Variants in TUBD1 observed in about 807,000 individuals in gnomAD.
TUBD1 encodes tubulin delta 1.
In TUBD1, 38 loss-of-function variants were observed where a neutral mutation model predicts 51.2. That is an observed-to-expected ratio of 0.74 (90% CI 0.57 to 0.97). The LOEUF (loss-of-function observed/expected upper bound fraction) is 0.97, where lower values mean the gene tolerates loss of function less well. TUBD1 is among the 50% of genes least tolerant of loss of function. The probability of loss-of-function intolerance (pLI) is 0.00; values close to 1 mark genes in which losing one functional copy is unlikely to be tolerated. For synonymous variants in TUBD1, 169 were observed against 178.2 expected (o/e 0.95, Z 0.41); for missense variants, 489 against 538.4 (o/e 0.91, Z 0.91).
At chr17:59,870,637 A>T (rs1208400205) in intron 6 of TUBD1, among the ~76,000 whole-genome samples, 1 of 152,174 alleles carries the variant, frequency 6.6e-6, no homozygotes, top group Non-Finnish European at 1.5e-5. Context: ...AAAGTGTAAC[A>T]GTCCATGTCT....
At chr17:59,862,513 C>A (rs2039498915) in intron 8 of TUBD1, among the ~76,000 whole-genome samples, 1 of 151,754 alleles carries the variant, frequency 6.6e-6, no homozygotes, top group Non-Finnish European at 1.5e-5. Flanking sequence ...ATCTTCCACT[C>A]TCCCAAGAAT....
Position 59,859,656 on chromosome 17 carries a change from A to C in TUBD1, c.*666T>G, listed in dbSNP as rs2039343340. 1 of 152,660 alleles carries C rather than the reference A, an allele frequency of 6.6e-6. No individual in the cohort carries two copies. Among genetic ancestry groups the C allele is most frequent in the Non-Finnish European group, 1.5e-5 (1 of 68,056 alleles). The allele number at this position is 152,660 out of a possible 1,614,324, so 9.5% of individuals were successfully genotyped here. ...AAGCATTCATTTCAAACATGAATAT[A>C]TTAAGTACAGAATTACAATTCCTTA... On this transcript the variant is annotated 3_prime_UTR_variant, in exon 9 of 9. Coordinates refer to ENST00000325752, the MANE Select transcript of TUBD1 (RefSeq NM_016261.4).
chr17:59,876,263 C>T (rs1008939834), intron 5 of TUBD1, among the ~76,000 whole-genome samples: 36 of 151,690 alleles, frequency 2.4e-4, no homozygotes, highest in African/African-American at 8.2e-4. Context: ...TCTGCAACCT[C>T]GAACTCCCAG....
rs747948193 is a variant in TUBD1 at position 59,886,163 on chromosome 17, A to G, written c.240T>C (p.Ala80=). Residue 80 remains alanine, a synonymous_variant, in exon 3 of 9, where the codon GCT becomes GCC. Coordinates refer to ENST00000325752, the MANE Select transcript of TUBD1 (RefSeq NM_016261.4). ...CATATTTCCATTGGCCAGACTGGGCAGCCTTTGACAGCATTTGATTGATAA... is the reference window on the plus strand; with the variant it reads ...CATATTTCCATTGGCCAGACTGGGCGGCCTTTGACAGCATTTGATTGATAA... ...PKVINQMLSK[A]AQSGQWKYGQ... 1 of 1,613,978 alleles carries G rather than the reference A, an allele frequency of 6.2e-7. No homozygotes were observed. The highest frequency in any genetic ancestry group is 1.1e-5 in the South Asian group (1 of 91,080).
At chr17:59,881,428 T>C (rs1387058781) in intron 3 of TUBD1, among the ~76,000 whole-genome samples, 1 of 152,182 alleles carries the variant, frequency 6.6e-6, no homozygotes, top group Non-Finnish European at 1.5e-5. Context: ...CTGGCATAAA[T>C]GGGTTAACAG....
intron 8 of TUBD1, among the ~76,000 whole-genome samples, chr17:59,860,722 G>C (rs1210280397): frequency 1.3e-5 from 2 of 151,846 alleles, no homozygotes; most frequent in Non-Finnish European, 2.9e-5. Flanking sequence ...GAGTAGCTGG[G>C]ATTACAGGAA....
At chr17:59,875,290 T>C (rs1181512045) in intron 5 of TUBD1, among the ~76,000 whole-genome samples, 1 of 151,490 alleles carries the variant, frequency 6.6e-6, no homozygotes, top group Non-Finnish European at 1.5e-5. Context: ...GTGGCCAGGA[T>C]GGTCTCGATC....
At chr17:59,874,013 C>G (rs2040114431) in intron 6 of TUBD1, among the ~76,000 whole-genome samples, 1 of 151,850 alleles carries the variant, frequency 6.6e-6, no homozygotes, top group African/African-American at 2.4e-5. Context: ...CACGGTGAAA[C>G]CCCGTCTCTA....
chr17:59,860,465 AAT>A, intron 8 of TUBD1, 41 bp from the exon 9 acceptor site: 1 of 1,325,658 alleles, frequency 7.5e-7, no homozygotes, highest in Non-Finnish European at 1.1e-6. Flanking sequence ...CAAAATAAAA[AAT>A]GTCTGGCAAA....
chr17:59,879,624 A>C (rs1386914952), intron 4 of TUBD1, among the ~76,000 whole-genome samples: 1 of 151,734 alleles, frequency 6.6e-6, no homozygotes, highest in Non-Finnish European at 1.5e-5. Context: ...TTAGTAGAGA[A>C]GGGGTTTCGC....
chr17:59,875,676 C>T (rs1238578678), intron 5 of TUBD1, among the ~76,000 whole-genome samples: 2 of 151,344 alleles, frequency 1.3e-5, no homozygotes, highest in African/African-American at 2.4e-5. Flanking sequence ...GGGAGAATCG[C>T]TTGAACCCGG....
rs547253682 is a variant in TUBD1, at chr17:59,878,334, C to T, written c.538G>A (p.Val180Ile). Residue 180 changes from valine to isoleucine, a missense_variant and splice_region_variant, in exon 5 of 9, where the codon GTT (valine) becomes ATT (isoleucine). Val to Ile is a conservative substitution (Grantham distance 29). Transcript: ENST00000325752. ...ATGGAGTTGTAGTTTTGAACAATAA[C>T]CTGGAGAGGAAAAGGTCAGAAAAAA... is the stretch of plus-strand genomic sequence containing the variant. The part of the protein sequence containing the change: ...QIIWPYGTGE[V>I]IVQNYNSILT... 6.2e-7 allele frequency: 1 copy of T among 1,606,622 alleles called. No individual in the cohort carries two copies. The highest frequency in any genetic ancestry group is 2.2e-5 in the East Asian group (1 of 44,806).
At chr17:59,873,492 TCTC>T (rs1375246453) in intron 6 of TUBD1, among the ~76,000 whole-genome samples, 5 of 152,084 alleles carry the variant, frequency 3.3e-5, no homozygotes, top group African/African-American at 1.2e-4. Context: ...CTCAAGCGCT[TCTC>T]CTGCCTTGGC....
chr17:59,875,325 T>C (rs1406671799), intron 5 of TUBD1, among the ~76,000 whole-genome samples: 1 of 151,686 alleles, frequency 6.6e-6, no homozygotes, highest in African/African-American at 2.4e-5. Context: ...TCTGCCTGCC[T>C]TGGCCTCCCA....
Position 59,878,230 on chromosome 17 carries a change from T to C in TUBD1, c.642A>G (p.Ala214=), listed in dbSNP as rs1598545240. The change falls in exon 5 of 9, where the codon GCA becomes GCG. Residue 214 remains alanine (A), a synonymous_variant. Transcript: ENST00000325752. ...HENDAIHKIC[A]KLMNIKQISF... is the part of the protein sequence containing the mutation. ...AGATCTGCTTGATATTCATCAGTTT[T>C]GCACAGATCTTATGGATGGCATCAT... is the stretch of plus-strand genomic sequence containing the variant. 7 of 1,614,150 alleles carry C rather than the reference T, an allele frequency of 4.3e-6. No individual in the cohort carries two copies. The highest frequency in any genetic ancestry group is 5.9e-6 in the Non-Finnish European group (7 of 1,180,034).
chr17:59,861,625 A>G (rs2039449961), intron 8 of TUBD1, among the ~76,000 whole-genome samples: 1 of 152,062 alleles, frequency 6.6e-6, no homozygotes, highest in African/African-American at 2.4e-5. Flanking sequence ...TGACACCAGA[A>G]GAGGACAGAC....
Position 59,875,081 on chromosome 17 carries a change from T to A in TUBD1, c.770-378A>T, listed in dbSNP as rs1379443053. On this transcript the variant is annotated intron_variant, in intron 5 of 8. Transcript: ENST00000325752. ...CTAAATATTGTTATATTCTTTTTTT[T>A]TTTTTTTTTTTTTGGGATGGAGTCT... 2.8e-5 allele frequency among the ~76,000 whole-genome samples: 4 copies of A among 145,392 alleles called. No individual in the cohort carries two copies. In the East Asian group the frequency reaches 5.9e-4, roughly 22 times the overall value.
rs773521686 is a variant in TUBD1 at position 59,863,879 on chromosome 17, A to G, written c.1076-32T>C. ...TAAAAACAAGATAAGCCGTCTTTTTATAGCATAAATTAGTAATTGTGAAAA... is the reference window on the plus strand; with the variant it reads ...TAAAAACAAGATAAGCCGTCTTTTTGTAGCATAAATTAGTAATTGTGAAAA... On this transcript the variant is annotated intron_variant, in intron 7 of 8. Transcript: ENST00000325752. 6 of 1,409,116 alleles carry G rather than the reference A, an allele frequency of 4.3e-6. No individual in the cohort carries two copies. The Admixed American group carries it at 1.1e-4, about 26-fold the overall frequency. The allele number at this position is 1,409,116 out of a possible 1,614,324, so 87.3% of individuals were successfully genotyped here.
At chr17:59,890,016 ATGGTGGCATGCACCTG>A (rs1312981625) in intron 2 of TUBD1, among the ~76,000 whole-genome samples, 5 of 138,928 alleles carry the variant, frequency 3.6e-5, no homozygotes, top group Non-Finnish European at 6.1e-5. Context: ...AGAGCCAGGC[ATGGTGGCATGCACCTG>A]CAGTCCCAGC....
Sources: allele counts gnomAD v4.1 joint callset (sites outside exome capture counted in the v4.1 genomes callset), GRCh38; gene constraint gnomAD v4.1.1; transcripts MANE v1.5; gene names NCBI Gene and HGNC (gene_info 2026-07-23, HGNC 2026-07-21).